Variants in HYCC2 observed in about 807,000 individuals in gnomAD.
The protein encoded by HYCC2 is hyccin PI4KA lipid kinase complex subunit 2.
At chr2:201,027,482 G>C in the HYCC2 span, among the ~76,000 whole-genome samples, 3 of 152,126 alleles carry the variant, frequency 2.0e-5, no homozygotes, top group African/African-American at 7.2e-5. Flanking sequence ...GCATCATCCT[G>C]ATACCAAAGC....
At chr2:200,988,486 G>T in the HYCC2 span, 1 of 1,218,234 alleles carries the variant, frequency 8.2e-7, no homozygotes, top group Non-Finnish European at 1.2e-6. Flanking sequence ...TATACTACAT[G>T]TGTCCATAAT....
the HYCC2 span, among the ~76,000 whole-genome samples, chr2:200,999,073 A>T: frequency 1.3e-5 from 2 of 152,172 alleles, no homozygotes; most frequent in Non-Finnish European, 2.9e-5. Context: ...GAAGTGAAAT[A>T]TACCTGCCTA....
At chr2:201,066,426 T>C in the HYCC2 span, among the ~76,000 whole-genome samples, 4 of 152,178 alleles carry the variant, frequency 2.6e-5, no homozygotes, top group Non-Finnish European at 2.9e-5. Context: ...GAAAGGACAG[T>C]AGTATACTCT....
the HYCC2 span, among the ~76,000 whole-genome samples, chr2:201,064,348 A>C: frequency 6.1e-4 from 93 of 152,274 alleles, 1 homozygote; most frequent in Non-Finnish European, 1.0e-3. Context: ...GCTAAATGTA[A>C]TAGTCTGATC....
the HYCC2 span, among the ~76,000 whole-genome samples, chr2:201,043,392 C>A: frequency 1.4e-5 from 2 of 148,062 alleles, no homozygotes; most frequent in African/African-American, 5.0e-5. Context: ...CCTGCCAAAT[C>A]CTCCTCTCCG....
At chr2:201,041,872 G>A in the HYCC2 span, among the ~76,000 whole-genome samples, 1 of 152,160 alleles carries the variant, frequency 6.6e-6, no homozygotes, top group Non-Finnish European at 1.5e-5. Context: ...ACAATGATTA[G>A]TTATTTTCCA....
At chr2:201,049,456 T>C in the HYCC2 span, among the ~76,000 whole-genome samples, 1 of 151,492 alleles carries the variant, frequency 6.6e-6, no homozygotes, top group African/African-American at 2.4e-5. Context: ...GTTCAAAAGA[T>C]TCTCCTGCCT....
At chr2:201,012,684 C>T in the HYCC2 span, among the ~76,000 whole-genome samples, 1 of 152,076 alleles carries the variant, frequency 6.6e-6, no homozygotes, top group African/African-American at 2.4e-5. Flanking sequence ...GTGGCTCACG[C>T]CTGTAATCCT....
the HYCC2 span, among the ~76,000 whole-genome samples, chr2:201,034,854 C>T: frequency 6.6e-6 from 1 of 152,164 alleles, no homozygotes; most frequent in African/African-American, 2.4e-5. Flanking sequence ...TTCTCCTTCA[C>T]TTATGAAGCT....
At chr2:200,997,643 A>G in the HYCC2 span, 1 of 693,254 alleles carries the variant, frequency 1.4e-6, no homozygotes, top group Non-Finnish European at 2.5e-6. Flanking sequence ...TTTCTTAATC[A>G]AATCAATATA....
chr2:201,046,207 G>T, the HYCC2 span, among the ~76,000 whole-genome samples: 1 of 152,124 alleles, frequency 6.6e-6, no homozygotes, highest in Non-Finnish European at 1.5e-5. Context: ...TGCTAAAATG[G>T]AGACTTTTCT....
chr2:201,004,929 A>C, the HYCC2 span, among the ~76,000 whole-genome samples: 1 of 148,970 alleles, frequency 6.7e-6, no homozygotes, highest in Non-Finnish European at 1.5e-5. Context: ...AGGCAGGAGA[A>C]TGGTGTGAAC....
At chr2:201,017,238 T>TTA in the HYCC2 span, 2 of 1,141,034 alleles carry the variant, frequency 1.8e-6, no homozygotes, top group Non-Finnish European at 2.5e-6. Context: ...TTTTTTTTTT[T>TTA]AAGGCACCTA....
At chr2:201,023,893 C>G in the HYCC2 span, 1 of 1,182,970 alleles carries the variant, frequency 8.5e-7, no homozygotes, top group African/African-American at 1.5e-5. Context: ...CCATAGAGCA[C>G]ATATTCAGTT....
the HYCC2 span, among the ~76,000 whole-genome samples, chr2:201,036,010 C>T: frequency 1.5e-4 from 23 of 152,178 alleles, no homozygotes; most frequent in Non-Finnish European, 2.8e-4. Context: ...CAGTCTGTCC[C>T]TACTGGGGGG....
At chr2:201,034,592 T>C in the HYCC2 span, among the ~76,000 whole-genome samples, 1 of 152,232 alleles carries the variant, frequency 6.6e-6, no homozygotes, top group Non-Finnish European at 1.5e-5. Context: ...AATTGGAGGA[T>C]TTAGCCCATT....
chr2:201,043,660 C>G, the HYCC2 span, among the ~76,000 whole-genome samples: 2 of 151,742 alleles, frequency 1.3e-5, no homozygotes, highest in East Asian at 3.9e-4. Flanking sequence ...AGGCGCCTGC[C>G]ACCATGCCTG....
the HYCC2 span, among the ~76,000 whole-genome samples, chr2:201,043,195 C>A: frequency 6.6e-6 from 1 of 152,024 alleles, no homozygotes; most frequent in Admixed American, 6.5e-5. Flanking sequence ...AAGGGCGGTG[C>A]AAGTTGTGCT....
chr2:201,063,810 G>A, the HYCC2 span: 1 of 1,591,060 alleles, frequency 6.3e-7, no homozygotes, highest in East Asian at 2.2e-5. Flanking sequence ...GATGGCAGTG[G>A]GGATGGCTAT....
Sources: gnomAD v4.1 joint callset for allele counts (sites outside exome capture counted in the v4.1 genomes callset) on GRCh38, gnomAD v4.1.1 for gene constraint, MANE v1.5 for transcripts, NCBI Gene and HGNC (gene_info 2026-07-23, HGNC 2026-07-21) for gene names.